Variants in HSBP1L1 observed in about 807,000 individuals in gnomAD.
HSBP1L1 encodes the protein heat shock factor-binding protein 1-like protein 1.
HSBP1L1 carries 8 observed loss-of-function variants against 9.7 expected under a neutral mutation model. The ratio of observed to expected loss-of-function variants is 0.82; its 90% confidence interval spans 0.48 to 1.48. The LOEUF (loss-of-function observed/expected upper bound fraction) is 1.48. HSBP1L1 is among the 40% of genes most tolerant of loss of function. HSBP1L1 has a pLI of 0.00. For missense variants in HSBP1L1, 106 were observed against 95.8 expected (o/e 1.11, Z -0.44); for synonymous variants, 39 against 34.4 (o/e 1.13, Z -0.46).
chr18:79,969,452 G>A (rs1017389809), intron 3 of HSBP1L1, among the ~76,000 whole-genome samples: 24 of 152,056 alleles, frequency 1.6e-4, no homozygotes, highest in African/African-American at 4.8e-4. Flanking sequence ...GTGCCCACGC[G>A]GATGCTTCCC....
At chr18:79,968,577 T>C (rs2051269293) in intron 3 of HSBP1L1, among the ~76,000 whole-genome samples, 1 of 151,878 alleles carries the variant, frequency 6.6e-6, no homozygotes, top group African/African-American at 2.4e-5. Flanking sequence ...CCACCCACCT[T>C]GGCCTCCCAG....
rs1219493109 is a variant in HSBP1L1, at chr18:79,964,801, G to A, written c.51+15G>A. The A allele has an allele frequency of 4.1e-6, 5 of 1,215,090 alleles. No individual in the cohort carries two copies. Among genetic ancestry groups the A allele is most frequent in the African/African-American group, 3.3e-5 (2 of 60,546 alleles). The allele number at this position is 1,215,090 out of a possible 1,614,324, so 75.3% of individuals were successfully genotyped here. On this transcript the variant is annotated intron_variant, in intron 1 of 3. Coordinates refer to ENST00000451882, the MANE Select transcript of HSBP1L1 (RefSeq NM_001136180.2). ...TGCGGGACGCGGTGAGCCCCTCCCC[G>A]ACTCCTGCTTCTCTCTGGATGGGGG...
chr18:79,967,323 C>T (rs554911681), intron 2 of HSBP1L1, among the ~76,000 whole-genome samples: 35 of 152,224 alleles, frequency 2.3e-4, no homozygotes, highest in Non-Finnish European at 3.8e-4. Flanking sequence ...AACACTGAAG[C>T]ACAGGATCCC....
At chr18:79,966,859 G>A in intron 2 of HSBP1L1, 181 bp downstream of exon 2, 1 of 539,164 alleles carries the variant, frequency 1.9e-6, no homozygotes, top group South Asian at 2.2e-5. Flanking sequence ...AGCAAAAGCT[G>A]TACCTCCGGC....
In HSBP1L1 at chr18:79,968,202, T is replaced by C. The variant is rs2051267269; in HGVS notation, c.213+19T>C. ...ACAAATGGTAAGGTTATTAGCAAAC[T>C]ATGTCAACCGTTTTCGTATGTTTTG... On this transcript the variant is annotated intron_variant, in intron 3 of 3. Transcript: ENST00000451882. 1 of 1,413,072 alleles carries C rather than the reference T, an allele frequency of 7.1e-7. No homozygotes were observed. The highest frequency in any genetic ancestry group is 9.8e-7 in the Non-Finnish European group (1 of 1,023,864). The allele number at this position is 1,413,072 out of a possible 1,614,324, so 87.5% of individuals were successfully genotyped here. A position where few individuals can be genotyped will look rare whatever the true frequency, so the allele number is the denominator to read the frequency against.
At chr18:79,965,502 T>C (rs1238609365) in intron 1 of HSBP1L1, among the ~76,000 whole-genome samples, 17 of 152,142 alleles carry the variant, frequency 1.1e-4, no homozygotes, top group Non-Finnish European at 7.4e-5. Context: ...GCCTCACTGT[T>C]CTCATCTCAC....
chr18:79,966,098 A>AT (rs1409678575), intron 1 of HSBP1L1, among the ~76,000 whole-genome samples: 2 of 152,090 alleles, frequency 1.3e-5, no homozygotes, highest in East Asian at 3.9e-4. Context: ...CACCCAGCTA[A>AT]TTTTTTGTAT....
chr18:79,969,831 T>C (rs1487875749), intron 3 of HSBP1L1, among the ~76,000 whole-genome samples: 1 of 152,234 alleles, frequency 6.6e-6, no homozygotes, highest in Non-Finnish European at 1.5e-5. Flanking sequence ...CTGATAGTCC[T>C]CTGATGATTT....
In HSBP1L1 at chr18:79,970,535, A is replaced by T. The variant is rs2051290589; in HGVS notation, c.*84A>T. On this transcript the variant is annotated 3_prime_UTR_variant, in exon 4 of 4. Transcript: ENST00000451882. ...GTCCTGAGGGTGGGGCCCTCATCCA[A>T]CAGGATTCGTCTTTCTGAGAAGAGA... 4.2e-6 allele frequency: 3 copies of T among 716,220 alleles called. No individual in the cohort carries two copies. Among genetic ancestry groups the T allele is most frequent in the Non-Finnish European group, 7.8e-6 (3 of 383,460 alleles). The allele number at this position is 716,220 out of a possible 1,614,324, so 44.4% of individuals were successfully genotyped here. A position where few individuals can be genotyped will look rare whatever the true frequency, so the allele number is the denominator to read the frequency against.
chr18:79,967,911 G>A (rs2051265583), intron 2 of HSBP1L1, 178 bp from the exon 3 acceptor site: 2 of 519,542 alleles, frequency 3.8e-6, no homozygotes, highest in South Asian at 3.0e-5. Context: ...AAAGGTTAAA[G>A]AGACACACTG....
chr18:79,964,795 C>G lies in HSBP1L1; in HGVS notation c.51+9C>G. On this transcript the variant is annotated intron_variant, in intron 1 of 3. Coordinates refer to ENST00000451882, the MANE Select transcript of HSBP1L1 (RefSeq NM_001136180.2). ...GCGCGCTGCGGGACGCGGTGAGCCC[C>G]TCCCCGACTCCTGCTTCTCTCTGGA... 2 of 1,378,608 alleles carry G rather than the reference C, an allele frequency of 1.5e-6. No individual in the cohort carries two copies. Among genetic ancestry groups the G allele is most frequent in the Non-Finnish European group, 1.9e-6 (2 of 1,064,738 alleles). The allele number at this position is 1,378,608 out of a possible 1,614,324, so 85.4% of individuals were successfully genotyped here. A position where few individuals can be genotyped will look rare whatever the true frequency, so the allele number is the denominator to read the frequency against.
chr18:79,965,641 T>C (rs1262775607), intron 1 of HSBP1L1, among the ~76,000 whole-genome samples: 1 of 152,198 alleles, frequency 6.6e-6, no homozygotes, highest in Non-Finnish European at 1.5e-5. Flanking sequence ...CTGTGTGACC[T>C]GGTAAGTAAT....
At chr18:79,968,334 CTT>C (rs2051268038) in intron 3 of HSBP1L1, among the ~76,000 whole-genome samples, 151 bp downstream of exon 3, 1 of 152,144 alleles carries the variant, frequency 6.6e-6, no homozygotes, top group Non-Finnish European at 1.5e-5. Flanking sequence ...CAAATGCTCT[CTT>C]CTTTTTTTGA....
intron 3 of HSBP1L1, among the ~76,000 whole-genome samples, chr18:79,969,641 G>A (rs531759523): frequency 1.3e-5 from 2 of 152,266 alleles, no homozygotes; most frequent in South Asian, 4.1e-4. Flanking sequence ...TCTTCCCCCA[G>A]ACACCTAACC....
At position 79,964,703 on chromosome 18, in the gene HSBP1L1, A is replaced by AC. The variant is rs760026664; in HGVS notation, c.-27dup. On this transcript the variant is annotated 5_prime_UTR_variant, in exon 1 of 4. Coordinates refer to ENST00000451882, the MANE Select transcript of HSBP1L1 (RefSeq NM_001136180.2). ...GCGCCGGGTCCGCGCGGCCCACGGG[A>AC]CCCCCCACTGACGCCCCCGGCCAGC... 65 of 1,322,664 alleles carry AC rather than the reference A, an allele frequency of 4.9e-5. No individual in the cohort carries two copies. The Admixed American group carries it at 6.3e-4, about 13-fold the overall frequency. 81.9% of individuals were successfully genotyped at this position (1,322,664 alleles called of 1,614,324 possible). A position where few individuals can be genotyped will look rare whatever the true frequency, so the allele number is the denominator to read the frequency against.
rs1431156830 is a variant in HSBP1L1 at position 79,964,700 on chromosome 18, G to A, written c.-36G>A. On this transcript the variant is annotated 5_prime_UTR_variant, in exon 1 of 4. Coordinates refer to ENST00000451882, the MANE Select transcript of HSBP1L1 (RefSeq NM_001136180.2). ...CTCGCGCCGGGTCCGCGCGGCCCAC[G>A]GGACCCCCCACTGACGCCCCCGGCC... The A allele has an allele frequency of 2.3e-6, 3 of 1,320,808 alleles. No individual in the cohort carries two copies. Among genetic ancestry groups the A allele is most frequent in the African/African-American group, 1.6e-5 (1 of 64,400 alleles). 81.8% of individuals were successfully genotyped at this position (1,320,808 alleles called of 1,614,324 possible). A position where few individuals can be genotyped will look rare whatever the true frequency, so the allele number is the denominator to read the frequency against.
rs2145034241 is a variant in HSBP1L1 at position 79,966,671 on chromosome 18, C to T, written c.111C>T (p.Asn37=). Residue 37 remains asparagine, a synonymous_variant, in exon 2 of 4, where the codon AAC becomes AAT. Coordinates refer to ENST00000451882, the MANE Select transcript of HSBP1L1 (RefSeq NM_001136180.2). ...TTCAAGCTCTGACGGCAACATTAAACCTCAGAAATATCCTTTTCTACCTTT... is the reference window on the plus strand; with the variant it reads ...TTCAAGCTCTGACGGCAACATTAAATCTCAGAAATATCCTTTTCTACCTTT... ...EHFQALTATL[N]LRMEEMGNRI... is the part of the protein sequence containing the mutation. 1.3e-6 allele frequency: 2 copies of T among 1,545,690 alleles called. No individual in the cohort carries two copies. Among genetic ancestry groups the T allele is most frequent in the Non-Finnish European group, 1.8e-6 (2 of 1,141,986 alleles).
intron 2 of HSBP1L1, 154 bp from the exon 3 acceptor site, chr18:79,967,935 G>C (rs968765519): frequency 5.6e-6 from 3 of 537,620 alleles, no homozygotes; most frequent in Non-Finnish European, 9.8e-6. Context: ...AAAACTCAGG[G>C]AAAGAAGCTG....
At chr18:79,967,563 G>T (rs2051263764) in intron 2 of HSBP1L1, 1 of 152,206 alleles carries the variant, frequency 6.6e-6, no homozygotes, top group South Asian at 2.1e-4. Context: ...TTGTAAATGG[G>T]TTCCCACAGG....
Sources: gnomAD v4.1 joint callset for allele counts (sites outside exome capture counted in the v4.1 genomes callset) on GRCh38, gnomAD v4.1.1 for gene constraint, MANE v1.5 for transcripts, NCBI Gene and HGNC (gene_info 2026-07-23, HGNC 2026-07-21) for gene names.